RBFOX1: variants seen among roughly 807,000 people sequenced by gnomAD.
The protein encoded by RBFOX1 is RNA binding protein fox-1 homolog 1.
RBFOX1 carries 8 observed loss-of-function variants against 57.7 expected under a neutral mutation model. The observed-to-expected ratio is 0.14, with a 90% CI of 0.08 to 0.25. The LOEUF (loss-of-function observed/expected upper bound fraction) is 0.25. Ranked by LOEUF, RBFOX1 falls within the 10% of genes least tolerant of loss-of-function variation. The pLI, the probability that RBFOX1 is intolerant of heterozygous loss-of-function variation, is 1.00. For missense variants in RBFOX1, 611 were observed against 548.5 expected, an observed-to-expected ratio of 1.11 and a Z score of -1.14; for synonymous variants, 326 against 222.4, an observed-to-expected ratio of 1.47 and a Z score of -4.15.
intron 13 of RBFOX1, among the ~76,000 whole-genome samples, chr16:7,670,038 A>T (rs1341174038): frequency 6.6e-6 from 1 of 152,154 alleles, no homozygotes; most frequent in Non-Finnish European, 1.5e-5. Context: ...TCCAGAAGAG[A>T]AACTTTTTTG....
At chr16:5,311,424 G>C (rs1382674386) in intron 1 of RBFOX1, among the ~76,000 whole-genome samples, 1 of 151,980 alleles carries the variant, frequency 6.6e-6, no homozygotes, top group African/African-American at 2.4e-5. Context: ...CCAGTAGTGG[G>C]ATTGCTGAAT....
chr16:5,388,392 C>A (rs1450927767), intron 1 of RBFOX1, among the ~76,000 whole-genome samples: 1 of 152,122 alleles, frequency 6.6e-6, no homozygotes, highest in Non-Finnish European at 1.5e-5. Flanking sequence ...TATGTCAGGC[C>A]TTGTGGTCCA....
chr16:5,912,359 C>A lies in RBFOX1; in HGVS notation c.351+45024C>A, dbSNP rs182604691. Among the ~76,000 whole-genome samples the A allele has an allele frequency of 2.5e-3, 383 of 152,250 alleles. 3 individuals carry two copies. Among genetic ancestry groups the A allele is most frequent in the Middle Eastern group, 0.02 (6 of 294 alleles). ...CGTTTGTGTCCCATTGATGCCTGTA[C>A]ATTTAGCTGCGCCTGGGAGAAGCTG... On this transcript the variant is annotated intron_variant, in intron 4 of 19. Coordinates refer to the RBFOX1 transcript ENST00000641259.
chr16:7,476,665 A>G (rs150422921), intron 4 of RBFOX1, among the ~76,000 whole-genome samples: 4 of 152,254 alleles, frequency 2.6e-5, no homozygotes, highest in South Asian at 2.1e-4. Context: ...GGCACATTCT[A>G]TAAACTGTAC....
At chr16:7,202,420 G>T (rs1034539163) in intron 4 of RBFOX1, among the ~76,000 whole-genome samples, 3 of 152,098 alleles carry the variant, frequency 2.0e-5, no homozygotes, top group African/African-American at 7.2e-5. Context: ...ACAGCATGGA[G>T]ATTCCCAAAT....
At chr16:6,525,104 A>C (rs942704897) in intron 2 of RBFOX1, among the ~76,000 whole-genome samples, 1 of 152,140 alleles carries the variant, frequency 6.6e-6, no homozygotes, top group Non-Finnish European at 1.5e-5. Flanking sequence ...ATCAACACAA[A>C]ACTGTAAAAC....
intron 12 of RBFOX1, among the ~76,000 whole-genome samples, chr16:7,655,896 G>GCTAA (rs1241839188): frequency 1.3e-5 from 2 of 152,136 alleles, no homozygotes; most frequent in Non-Finnish European, 2.9e-5. Flanking sequence ...AATTAAATTA[G>GCTAA]CTAACTTATA....
chr16:6,406,399 G>C (rs1438944651), intron 2 of RBFOX1, among the ~76,000 whole-genome samples: 1 of 152,078 alleles, frequency 6.6e-6, no homozygotes, highest in Non-Finnish European at 1.5e-5. Context: ...TCTGCCAAAA[G>C]AACATAAAAC....
At chr16:5,792,298 A>G (rs570041209) in intron 3 of RBFOX1, among the ~76,000 whole-genome samples, 1 of 152,298 alleles carries the variant, frequency 6.6e-6, no homozygotes, top group Middle Eastern at 3.4e-3. Flanking sequence ...TCTCTTAGAT[A>G]CACTAGAGAG....
chr16:5,908,159 TATATATACACATATATACAC>T (rs755716992), intron 4 of RBFOX1, among the ~76,000 whole-genome samples: 1 of 129,264 alleles, frequency 7.7e-6, no homozygotes, highest in African/African-American at 3.4e-5. Context: ...TATATACACA[TATATATACACATATATACAC>T]ATATATACAC....
chr16:5,430,404 G>A (rs1158846474), intron 1 of RBFOX1, among the ~76,000 whole-genome samples: 1 of 152,182 alleles, frequency 6.6e-6, no homozygotes, highest in Non-Finnish European at 1.5e-5. Context: ...ACAGTGGGAG[G>A]GAGAGGTGCT....
intron 4 of RBFOX1, among the ~76,000 whole-genome samples, chr16:7,384,026 C>T (rs2097834434): frequency 6.6e-6 from 1 of 150,732 alleles, no homozygotes; most frequent in African/African-American, 2.4e-5. Flanking sequence ...TGCACCCCAG[C>T]CTGGGCAACA....
At chr16:7,196,781 G>C (rs1338294617) in intron 4 of RBFOX1, among the ~76,000 whole-genome samples, 1 of 152,108 alleles carries the variant, frequency 6.6e-6, no homozygotes, top group Non-Finnish European at 1.5e-5. Flanking sequence ...GGCTTTTGAG[G>C]ATGGGTGGGA....
chr16:7,016,583 G>A (rs1210501872), intron 3 of RBFOX1, among the ~76,000 whole-genome samples: 1 of 152,166 alleles, frequency 6.6e-6, no homozygotes, highest in Non-Finnish European at 1.5e-5. Context: ...AATTCCTCCA[G>A]CCACACTTCC....
intron 2 of RBFOX1, among the ~76,000 whole-genome samples, chr16:6,591,195 C>T (rs1422289445): frequency 6.6e-6 from 1 of 152,138 alleles, no homozygotes; most frequent in African/African-American, 2.4e-5. Context: ...CCTGTAATCC[C>T]AGTGCTTTGG....
At chr16:7,545,320 G>A (rs949668342) in intron 5 of RBFOX1, among the ~76,000 whole-genome samples, 1 of 151,770 alleles carries the variant, frequency 6.6e-6, no homozygotes, top group African/African-American at 2.4e-5. Flanking sequence ...CGGGTCATGG[G>A]GGTGGAGGTG....
At chr16:5,661,669 G>A (rs919930414) in intron 3 of RBFOX1, among the ~76,000 whole-genome samples, 2 of 152,226 alleles carry the variant, frequency 1.3e-5, no homozygotes, top group African/African-American at 4.8e-5. Context: ...CCCGTAGTTA[G>A]TTACTATTGT....
intron 3 of RBFOX1, among the ~76,000 whole-genome samples, chr16:6,780,031 A>T (rs866044180): frequency 9.2e-5 from 4 of 43,568 alleles, no homozygotes; most frequent in Admixed American, 4.7e-4. Context: ...ATATTTATAT[A>T]TATTTATATA....
At chr16:6,979,099 A>G (rs1162445876) in intron 3 of RBFOX1, among the ~76,000 whole-genome samples, 1 of 152,238 alleles carries the variant, frequency 6.6e-6, no homozygotes, top group Non-Finnish European at 1.5e-5. Context: ...GTTCAACATG[A>G]TGATTATGGG....
Sources: allele counts gnomAD v4.1 joint callset (sites outside exome capture counted in the v4.1 genomes callset), GRCh38; gene constraint gnomAD v4.1.1; transcripts MANE v1.5; gene names NCBI Gene and HGNC (gene_info 2026-07-23, HGNC 2026-07-21).